The following UNC5D variants were observed in gnomAD, a reference collection of about 807,000 sequenced individuals.
The protein encoded by UNC5D is unc-5 netrin receptor D, also known as netrin receptor UNC5D.
A neutral mutation model predicts 105.4 loss-of-function variants in UNC5D; 39 were observed. That is an observed-to-expected ratio of 0.37 (90% CI 0.29 to 0.48). The LOEUF (loss-of-function observed/expected upper bound fraction) is 0.48. Ranked by LOEUF, UNC5D falls within the 20% of genes least tolerant of loss-of-function variation. The pLI is 0.98. For synonymous variants in UNC5D, 452 were observed against 450.4 expected, an observed-to-expected ratio of 1.00 and a Z score of -0.04; for missense variants, 991 against 1,202.4, an observed-to-expected ratio of 0.82 and a Z score of 2.60.
chr8:35,622,008 G>A (rs1250513193), intron 4 of UNC5D, among the ~76,000 whole-genome samples: 3 of 152,136 alleles, frequency 2.0e-5, no homozygotes, highest in Non-Finnish European at 4.4e-5. Context: ...TACTTAAAAG[G>A]CAACAGGCTT....
At chr8:35,712,071 G>T (rs1827998405) in intron 8 of UNC5D, among the ~76,000 whole-genome samples, 1 of 152,154 alleles carries the variant, frequency 6.6e-6, no homozygotes, top group Non-Finnish European at 1.5e-5. Context: ...AGGAGTTCGA[G>T]ACCAGCCTGG....
intron 8 of UNC5D, among the ~76,000 whole-genome samples, chr8:35,711,502 G>A (rs937305524): frequency 1.3e-5 from 2 of 151,896 alleles, no homozygotes; most frequent in Admixed American, 6.6e-5. Context: ...CTTTATTACC[G>A]TTAAGTATTT....
At chr8:35,562,578 G>T (rs1370171590) in intron 2 of UNC5D, among the ~76,000 whole-genome samples, 2 of 151,984 alleles carry the variant, frequency 1.3e-5, no homozygotes, top group Admixed American at 1.3e-4. Context: ...GATTAGTGAT[G>T]TTTGGCTATT....
chr8:35,748,236 A>C lies in UNC5D; in HGVS notation c.1767-291A>C, dbSNP rs1586580146. Among the ~76,000 whole-genome samples, 3 of 152,332 alleles carry C rather than the reference A, an allele frequency of 2.0e-5. No homozygotes were observed. The South Asian group carries it at 6.2e-4, about 32-fold the overall frequency. ...TTCAGTAGCTGGTGCATGACCCACCAGCCAGGTCTTTGCATTCTCCAATTC... is the reference window on the plus strand; with the variant it reads ...TTCAGTAGCTGGTGCATGACCCACCCGCCAGGTCTTTGCATTCTCCAATTC... On this transcript the variant is annotated intron_variant, in intron 11 of 16. Coordinates refer to ENST00000404895, the MANE Select transcript of UNC5D (RefSeq NM_080872.4).
chr8:35,495,458 C>CAAAAAAAAAAAAAAAAA (rs71547636), intron 1 of UNC5D, among the ~76,000 whole-genome samples: 7 of 44,622 alleles, frequency 1.6e-4, no homozygotes, highest in Non-Finnish European at 1.9e-4. Context: ...ACAACAACAA[C>CAAAAAAAAAAAAAAAAA]AAAAAAAAAA....
chr8:35,616,792 G>A (rs1045082054), intron 4 of UNC5D, among the ~76,000 whole-genome samples: 1 of 152,180 alleles, frequency 6.6e-6, no homozygotes, highest in Non-Finnish European at 1.5e-5. Flanking sequence ...ATGGATCAGA[G>A]AGAAGGCGAT....
intron 2 of UNC5D, among the ~76,000 whole-genome samples, chr8:35,564,284 C>T (rs1234448867): frequency 6.6e-6 from 1 of 151,988 alleles, no homozygotes; most frequent in Non-Finnish European, 1.5e-5. Flanking sequence ...CATTTCTTAC[C>T]TTAAAGGTTA....
intron 1 of UNC5D, among the ~76,000 whole-genome samples, chr8:35,438,655 A>C (rs1202271971): frequency 6.6e-6 from 1 of 151,032 alleles, no homozygotes; most frequent in African/African-American, 2.4e-5. Context: ...TTAGTGGGAG[A>C]TTTACATTGA....
intron 1 of UNC5D, among the ~76,000 whole-genome samples, chr8:35,412,678 G>A (rs1441975170): frequency 1.3e-5 from 2 of 152,072 alleles, no homozygotes; most frequent in Non-Finnish European, 2.9e-5. Flanking sequence ...GAGGCCTTTA[G>A]GAAGGAAGTT....
intron 4 of UNC5D, among the ~76,000 whole-genome samples, chr8:35,679,198 T>A (rs535732425): frequency 6.6e-6 from 1 of 152,280 alleles, no homozygotes; most frequent in Admixed American, 6.5e-5. Context: ...TGTAGTGAGC[T>A]ATGATCACAC....
chr8:35,593,046 TACACACACACACACACAC>T (rs200962371), intron 3 of UNC5D, among the ~76,000 whole-genome samples: 56 of 141,224 alleles, frequency 4.0e-4, no homozygotes, highest in African/African-American at 6.7e-4. Flanking sequence ...GTAGTTTTTA[TACACACACACACACACAC>T]ACACACACAC....
chr8:35,550,002 A>G (rs1295781285), intron 2 of UNC5D, among the ~76,000 whole-genome samples: 1 of 143,342 alleles, frequency 7.0e-6, no homozygotes, highest in African/African-American at 2.7e-5. Context: ...CCCAAATTAG[A>G]TTACCATATC....
intron 1 of UNC5D, among the ~76,000 whole-genome samples, chr8:35,517,290 AG>A (rs1813162427): frequency 1.3e-5 from 2 of 152,238 alleles, no homozygotes; most frequent in African/African-American, 4.8e-5. Flanking sequence ...TTTGGGAACC[AG>A]GCATATGGGT....
rs36100839 is a variant in UNC5D at position 35,297,777 on chromosome 8, A to ATT, written c.103+61899_103+61900dup. 2.8e-4 allele frequency among the ~76,000 whole-genome samples: 42 copies of ATT among 150,876 alleles called. 1 individual carries two copies. Among genetic ancestry groups the ATT allele is most frequent in the South Asian group, 1.7e-3 (8 of 4,750 alleles). On this transcript the variant is annotated intron_variant, in intron 1 of 16. Transcript: ENST00000404895. ...TAACACTCAGATGTAAGATGTTATGATTTTTTTTTTAAATTTTGGCAAGCT... is the reference window on the plus strand; with the variant it reads ...TAACACTCAGATGTAAGATGTTATGATTTTTTTTTTTTAAATTTTGGCAAGCT...
chr8:35,690,606 G>A (rs947914674), intron 7 of UNC5D, among the ~76,000 whole-genome samples: 3 of 152,210 alleles, frequency 2.0e-5, no homozygotes, highest in Admixed American at 2.0e-4. Context: ...GCAACAGAGT[G>A]AGATCCTGTC....
intron 1 of UNC5D, among the ~76,000 whole-genome samples, chr8:35,453,461 A>T (rs756659008): frequency 1.4e-4 from 21 of 152,200 alleles, no homozygotes; most frequent in Non-Finnish European, 1.9e-4. Context: ...GGTCACGTCA[A>T]TCTAAATGAT....
At chr8:35,672,044 C>A (rs992215220) in intron 4 of UNC5D, among the ~76,000 whole-genome samples, 1 of 152,100 alleles carries the variant, frequency 6.6e-6, no homozygotes, top group South Asian at 2.1e-4. Context: ...TACTCACTGA[C>A]AGAAATATTT....
intron 1 of UNC5D, among the ~76,000 whole-genome samples, chr8:35,287,472 T>A (rs950341500): frequency 6.6e-6 from 1 of 151,942 alleles, no homozygotes; most frequent in South Asian, 2.1e-4. Flanking sequence ...ATAAAGGATA[T>A]AATAACTGAA....
At chr8:35,249,623 C>T (rs948626153) in intron 1 of UNC5D, among the ~76,000 whole-genome samples, 8 of 150,956 alleles carry the variant, frequency 5.3e-5, no homozygotes, top group African/African-American at 1.5e-4. Context: ...ATAAAAACTT[C>T]GGTTGCTTCT....
Sources: gnomAD v4.1 joint callset for allele counts (sites outside exome capture counted in the v4.1 genomes callset) on GRCh38, gnomAD v4.1.1 for gene constraint, MANE v1.5 for transcripts, NCBI Gene and HGNC (gene_info 2026-07-23, HGNC 2026-07-21) for gene names.